MFHAS1: variants seen among roughly 807,000 people sequenced by gnomAD.
The protein encoded by MFHAS1 is malignant fibrous histiocytoma-amplified sequence 1.
A neutral mutation model predicts 70.4 loss-of-function variants in MFHAS1; 50 were observed. The observed-to-expected ratio is 0.71, with a 90% CI of 0.57 to 0.90. The LOEUF (loss-of-function observed/expected upper bound fraction) is 0.90. MFHAS1 is among the 40% of genes least tolerant of loss of function. The pLI is 0.00. For missense variants in MFHAS1, 1,795 were observed against 1,347.6 expected (o/e 1.33, Z -5.20); for synonymous variants, 952 against 620.0 (o/e 1.54, Z -7.96).
intron 1 of MFHAS1, among the ~76,000 whole-genome samples, chr8:8,799,724 C>T (rs934964366): frequency 2.0e-5 from 3 of 152,218 alleles, no homozygotes; most frequent in African/African-American, 7.2e-5. Context: ...CCACTGCACT[C>T]CAACCCGGGC....
chr8:8,811,786 G>C (rs1169712582), intron 1 of MFHAS1, among the ~76,000 whole-genome samples: 5 of 152,204 alleles, frequency 3.3e-5, no homozygotes, highest in African/African-American at 1.2e-4. Context: ...GAATCCATAA[G>C]TTGGGGCATA....
At chr8:8,810,089 G>A (rs73201853) in intron 1 of MFHAS1, among the ~76,000 whole-genome samples, 66 of 152,252 alleles carry the variant, frequency 4.3e-4, no homozygotes, top group African/African-American at 1.3e-3. Flanking sequence ...AAGCCAGGCC[G>A]GGCGCAGTGG....
intron 1 of MFHAS1, among the ~76,000 whole-genome samples, chr8:8,861,622 C>A (rs1178117493): frequency 1.3e-5 from 2 of 152,110 alleles, no homozygotes; most frequent in Non-Finnish European, 2.9e-5. Flanking sequence ...CAATTTTAAA[C>A]GTAGAACTTG....
rs11355520 is a variant in MFHAS1, at chr8:8,797,150, T to TAAAAA, written c.3125+210_3125+214dup. 2.1e-3 allele frequency among the ~76,000 whole-genome samples: 294 copies of TAAAAA among 141,514 alleles called. 1 individual carries two copies. The highest frequency in any genetic ancestry group is 3.6e-3 in the Middle Eastern group (1 of 276). The allele number at this position is 141,514 out of a possible 152,430, so 92.8% of individuals were successfully genotyped here. ...AATGTTCTGACTTTATTAGCTAAAG[T>TAAAAA]AAAAAAAAAAAAAAAAATCACAAAA... On this transcript the variant is annotated intron_variant, in intron 2 of 2. Transcript: ENST00000276282.
intron 1 of MFHAS1, among the ~76,000 whole-genome samples, chr8:8,811,219 C>T (rs921908646): frequency 5.9e-5 from 9 of 152,142 alleles, no homozygotes; most frequent in South Asian, 4.1e-4. Context: ...TCTATGATGA[C>T]GGGAAAAGCA....
intron 1 of MFHAS1, among the ~76,000 whole-genome samples, chr8:8,824,946 G>T (rs1585036605): frequency 6.6e-6 from 1 of 152,222 alleles, no homozygotes; most frequent in African/African-American, 2.4e-5. Flanking sequence ...CTGCCCCCAG[G>T]CCACGTTTAG....
At chr8:8,875,308 G>C (rs1183404447) in intron 1 of MFHAS1, among the ~76,000 whole-genome samples, 1 of 151,914 alleles carries the variant, frequency 6.6e-6, no homozygotes, top group African/African-American at 2.4e-5. Flanking sequence ...ACAAATGGTT[G>C]GATAAACAAA....
chr8:8,892,861 C>A lies in MFHAS1; in HGVS notation c.198G>T (p.Glu66Asp). 6.3e-7 allele frequency: 1 copy of A among 1,595,344 alleles called. No homozygotes were observed. The highest frequency in any genetic ancestry group is 8.5e-7 in the Non-Finnish European group (1 of 1,171,894). Reference sequence around the variant, plus strand: ...GGCCGTTGTTCCCCAGGTTCAGTGCCTCAATGTCCCCGAGGTTGGCCGGCA... The same window carrying A: ...GGCCGTTGTTCCCCAGGTTCAGTGCATCAATGTCCCCGAGGTTGGCCGGCA... ...LVLPANLGDI[E>D]ALNLGNNGLE... Residue 66 changes from glutamate to aspartate, a missense_variant, in exon 1 of 3, where the codon GAG becomes GAT. Transcript: ENST00000276282. The surrounding 1 kb of genome is among the most constrained non-coding windows in gnomAD (Gnocchi z 4.7).
At chr8:8,885,191 T>A (rs578028825) in intron 1 of MFHAS1, among the ~76,000 whole-genome samples, 1 of 152,116 alleles carries the variant, frequency 6.6e-6, no homozygotes, top group Non-Finnish European at 1.5e-5. Context: ...CAGAAGACAT[T>A]TGGCATGAGA....
intron 2 of MFHAS1, among the ~76,000 whole-genome samples, chr8:8,789,728 G>A (rs1283380641): frequency 6.6e-6 from 1 of 152,142 alleles, no homozygotes; most frequent in Non-Finnish European, 1.5e-5. Context: ...TTTGCCCGGA[G>A]TATACTCTTC....
chr8:8,834,953 C>A (rs1193330162), intron 1 of MFHAS1, among the ~76,000 whole-genome samples: 1 of 152,166 alleles, frequency 6.6e-6, no homozygotes, highest in Non-Finnish European at 1.5e-5. Flanking sequence ...TCTAATGGAA[C>A]TGGTAGGTAT....
chr8:8,786,879 T>C (rs983588164), intron 2 of MFHAS1, among the ~76,000 whole-genome samples: 1 of 151,944 alleles, frequency 6.6e-6, no homozygotes, highest in Admixed American at 6.6e-5. Flanking sequence ...CAAGATTCAG[T>C]CATGGGCTCA....
At chr8:8,838,285 C>T (rs1807680193) in intron 1 of MFHAS1, among the ~76,000 whole-genome samples, 1 of 152,148 alleles carries the variant, frequency 6.6e-6, no homozygotes, top group South Asian at 2.1e-4. Flanking sequence ...AGGCAGAAAG[C>T]AACCCCAGGA....
At chr8:8,866,131 T>C (rs1808848659) in intron 1 of MFHAS1, among the ~76,000 whole-genome samples, 1 of 152,130 alleles carries the variant, frequency 6.6e-6, no homozygotes, top group Non-Finnish European at 1.5e-5. Context: ...GCAGGAAGAA[T>C]ACAGAAGAAC....
chr8:8,788,799 G>A (rs1267717058), intron 2 of MFHAS1, among the ~76,000 whole-genome samples: 1 of 152,194 alleles, frequency 6.6e-6, no homozygotes, highest in African/African-American at 2.4e-5. Context: ...GCGACCAATG[G>A]GCCTTAACTG....
intron 1 of MFHAS1, among the ~76,000 whole-genome samples, chr8:8,883,738 G>T (rs1397795302): frequency 7.3e-6 from 1 of 136,524 alleles, no homozygotes; most frequent in Non-Finnish European, 1.6e-5. Context: ...AAAAGAAAGG[G>T]CTCCCATGGA....
At chr8:8,830,961 T>C (rs1807364370) in intron 1 of MFHAS1, among the ~76,000 whole-genome samples, 1 of 152,178 alleles carries the variant, frequency 6.6e-6, no homozygotes, top group Non-Finnish European at 1.5e-5. Flanking sequence ...TCTGCTCAGG[T>C]TGCTATACCA....
chr8:8,853,262 G>A (rs952904610), intron 1 of MFHAS1, among the ~76,000 whole-genome samples: 3 of 151,862 alleles, frequency 2.0e-5, no homozygotes, highest in Non-Finnish European at 2.9e-5. Context: ...CAGTTTGCTC[G>A]GAAGCTACTC....
At chr8:8,847,867 G>A (rs562823159) in intron 1 of MFHAS1, among the ~76,000 whole-genome samples, 1 of 152,294 alleles carries the variant, frequency 6.6e-6, no homozygotes, top group South Asian at 2.1e-4. Context: ...TATAGCCCAT[G>A]TTGCTGAACA....
Sources: allele counts gnomAD v4.1 joint callset (sites outside exome capture counted in the v4.1 genomes callset), GRCh38; gene constraint gnomAD v4.1.1; non-coding constraint Gnocchi (gnomAD v3.1); transcripts MANE v1.5; gene names NCBI Gene and HGNC (gene_info 2026-07-23, HGNC 2026-07-21).